CCDC102B: variants seen among roughly 807,000 people sequenced by gnomAD.
CCDC102B encodes coiled-coil domain containing 102B.
A neutral mutation model predicts 57.4 loss-of-function variants in CCDC102B; 75 were observed. The ratio of observed to expected loss-of-function variants is 1.31; its 90% CI spans 1.08 to 1.58. CCDC102B has a LOEUF of 1.58. CCDC102B is among the 40% of genes most tolerant of loss of function. The probability of loss-of-function intolerance (pLI) is 0.00; values close to 1 mark genes in which losing one functional copy is unlikely to be tolerated. For missense variants in CCDC102B, 636 were observed against 582.6 expected, an observed-to-expected ratio of 1.09 and a Z score of -0.94; for synonymous variants, 206 against 201.9, an observed-to-expected ratio of 1.02 and a Z score of -0.17.
intron 2 of CCDC102B, among the ~76,000 whole-genome samples, chr18:68,782,409 C>G (rs1444656124): frequency 6.6e-6 from 1 of 152,070 alleles, no homozygotes; most frequent in Non-Finnish European, 1.5e-5. Context: ...TTTTCCTCTT[C>G]TCTCTCAAAG....
At chr18:68,883,485 A>T (rs964493012) in intron 5 of CCDC102B, among the ~76,000 whole-genome samples, 1 of 152,190 alleles carries the variant, frequency 6.6e-6, no homozygotes, top group African/African-American at 2.4e-5. Flanking sequence ...AACAGAAAAT[A>T]GGAGGGTTGG....
intron 6 of CCDC102B, among the ~76,000 whole-genome samples, chr18:68,928,290 A>G (rs1020594127): frequency 3.9e-5 from 6 of 151,928 alleles, no homozygotes; most frequent in African/African-American, 1.4e-4. Context: ...CTAGACCCAC[A>G]GGTGGCAAAC....
intron 4 of CCDC102B, among the ~76,000 whole-genome samples, chr18:68,849,387 T>G (rs12454670): frequency 0.15 from 22,066 of 152,050 alleles, 1,690 homozygotes; most frequent in Admixed American, 0.18. Flanking sequence ...CTTAAAAAAT[T>G]ATTCCATAGA....
intron 5 of CCDC102B, among the ~76,000 whole-genome samples, chr18:68,895,153 A>G (rs1476162048): frequency 6.6e-6 from 1 of 151,866 alleles, no homozygotes; most frequent in African/African-American, 2.4e-5. Context: ...ACTAAATTAA[A>G]TTGTGATATA....
chr18:68,882,046 A>G (rs1286996848), intron 5 of CCDC102B, among the ~76,000 whole-genome samples: 1 of 152,224 alleles, frequency 6.6e-6, no homozygotes, highest in Non-Finnish European at 1.5e-5. Flanking sequence ...TTTTAAAAAT[A>G]TGTTAAAAAT....
At chr18:68,790,648 T>C (rs1179663246) in intron 2 of CCDC102B, among the ~76,000 whole-genome samples, 1 of 152,188 alleles carries the variant, frequency 6.6e-6, no homozygotes, top group Admixed American at 6.5e-5. Context: ...CCTGACCCCT[T>C]GCGCTTCCCA....
At chr18:68,877,168 C>T (rs913067667) in intron 5 of CCDC102B, among the ~76,000 whole-genome samples, 8 of 152,168 alleles carry the variant, frequency 5.3e-5, no homozygotes, top group African/African-American at 1.9e-4. Flanking sequence ...GAATTATAGT[C>T]TGAGGTTTAT....
chr18:68,790,753 T>C (rs539183269), intron 2 of CCDC102B, among the ~76,000 whole-genome samples: 61 of 152,316 alleles, frequency 4.0e-4, no homozygotes, highest in Non-Finnish European at 5.6e-4. Context: ...GAGATGAACC[T>C]GGTACCTCAG....
intron 6 of CCDC102B, among the ~76,000 whole-genome samples, chr18:68,964,165 T>G (rs920451725): frequency 6.6e-6 from 1 of 151,968 alleles, no homozygotes; most frequent in African/African-American, 2.4e-5. Context: ...AATTTTATTT[T>G]ATTTTGTGCT....
downstream of CCDC102B, among the ~76,000 whole-genome samples, chr18:69,056,803 G>A (rs2052826058): frequency 6.6e-6 from 1 of 151,952 alleles, no homozygotes; most frequent in South Asian, 2.1e-4. Flanking sequence ...CGCTTTCTAA[G>A]TGTACAGGTC....
chr18:68,773,556 G>T (rs2034711721), intron 2 of CCDC102B, among the ~76,000 whole-genome samples: 2 of 151,830 alleles, frequency 1.3e-5, no homozygotes, highest in Admixed American at 6.6e-5. Context: ...TTGTAAATTA[G>T]TACTTAAATA....
intron 2 of CCDC102B, among the ~76,000 whole-genome samples, chr18:68,777,989 A>G (rs2034881153): frequency 6.6e-6 from 1 of 152,128 alleles, no homozygotes; most frequent in African/African-American, 2.4e-5. Context: ...GAGCTTGCAT[A>G]AGGGTATTCA....
intron 6 of CCDC102B, among the ~76,000 whole-genome samples, chr18:68,982,269 G>T (rs1382157621): frequency 6.6e-6 from 1 of 151,852 alleles, no homozygotes; most frequent in East Asian, 1.9e-4. Flanking sequence ...ATGCATGAAT[G>T]TTTTAATTTG....
chr18:68,777,045 T>C (rs1469083950), intron 2 of CCDC102B, among the ~76,000 whole-genome samples: 2 of 152,212 alleles, frequency 1.3e-5, no homozygotes, highest in African/African-American at 4.8e-5. Flanking sequence ...CTTGGTTGAA[T>C]TTATTTACAT....
chr18:69,020,239 C>T (rs9952906), intron 7 of CCDC102B, among the ~76,000 whole-genome samples: 123,624 of 152,004 alleles, frequency 0.81, 52,767 homozygotes, highest in Non-Finnish European at 0.95. Context: ...TGAGATTTAG[C>T]ATCTTTTATA....
chr18:69,039,962 G>C (rs989050563), intron 7 of CCDC102B, among the ~76,000 whole-genome samples: 5 of 151,708 alleles, frequency 3.3e-5, no homozygotes, highest in Non-Finnish European at 7.4e-5. Context: ...TTCAAATACT[G>C]AATGAGCCAC....
rs182518432 is a variant in CCDC102B, at chr18:69,038,862, A to T, written c.1435-15168A>T. Reference sequence around the variant, plus strand: ...GCTTCAATGGAAAATAGAGTCAATTATTTCTTCAGATATTTCATAAATGCA... The same window carrying T: ...GCTTCAATGGAAAATAGAGTCAATTTTTTCTTCAGATATTTCATAAATGCA... On this transcript the variant is annotated intron_variant, in intron 7 of 7. Transcript: ENST00000360242. Among the ~76,000 whole-genome samples the T allele has an allele frequency of 5.7e-4, 87 of 152,132 alleles. No homozygotes were observed. The East Asian group carries it at 0.017, about 29-fold the overall frequency.
At chr18:68,803,548 G>A (rs2035928489) in intron 1 of CCDC102B, among the ~76,000 whole-genome samples, 1 of 152,176 alleles carries the variant, frequency 6.6e-6, no homozygotes, top group Admixed American at 6.5e-5. Context: ...GAAATCACAT[G>A]TGCTAAAGTC....
At chr18:68,933,157 A>T (rs2041735612) in intron 6 of CCDC102B, among the ~76,000 whole-genome samples, 1 of 151,856 alleles carries the variant, frequency 6.6e-6, no homozygotes, top group Non-Finnish European at 1.5e-5. Flanking sequence ...TAAGGGAGGA[A>T]ATTGAAGTGG....
Sources: allele counts gnomAD v4.1 joint callset (sites outside exome capture counted in the v4.1 genomes callset), GRCh38; gene constraint gnomAD v4.1.1; transcripts MANE v1.5; gene names NCBI Gene and HGNC (gene_info 2026-07-23, HGNC 2026-07-21).